Variants in NRL observed in about 807,000 individuals in gnomAD.
NRL encodes the protein neural retina-specific leucine zipper protein.
In NRL, 16 loss-of-function variants were observed where a neutral mutation model predicts 12.5. The observed-to-expected ratio is 1.28, with a 90% CI of 0.87 to 1.95. The LOEUF (loss-of-function observed/expected upper bound fraction) is 1.95. Ranked by LOEUF, NRL falls within the 30% of genes most tolerant of loss-of-function variation. NRL has a pLI of 0.00. For synonymous variants in NRL, 142 were observed against 150.9 expected, an observed-to-expected ratio of 0.94 and a Z score of 0.43; for missense variants, 314 against 325.8, an observed-to-expected ratio of 0.96 and a Z score of 0.28.
intron 1 of NRL, among the ~76,000 whole-genome samples, chr14:24,090,262 A>C (rs560683791): frequency 0.22 from 1,951 of 8,976 alleles, 22 homozygotes; most frequent in Non-Finnish European, 0.27. Context: ...CAGGTGGTTT[A>C]CTCGGGGGGG....
intron 2 of NRL, 110 bp downstream of exon 2, chr14:24,082,358 C>T (rs2281703): frequency 0.024 from 33,073 of 1,390,146 alleles, 542 homozygotes; most frequent in East Asian, 0.076. Context: ...TTCTCCTGCC[C>T]TCTGTCCCCT....
chr14:24,102,977 GC>G, intron 1 of NRL: 1 of 1,396,192 alleles, frequency 7.2e-7, no homozygotes, highest in Non-Finnish European at 1.0e-6. Flanking sequence ...CAGAGCCTCA[GC>G]CTGGATCTCA....
intron 1 of NRL, among the ~76,000 whole-genome samples, chr14:24,096,176 C>T (rs2036869287): frequency 6.6e-6 from 1 of 151,676 alleles, no homozygotes; most frequent in Non-Finnish European, 1.5e-5. Flanking sequence ...GAAATTGTCA[C>T]CTGGGCCCAA....
intron 2 of NRL, chr14:24,082,189 C>T: frequency 3.6e-6 from 2 of 548,872 alleles, no homozygotes; most frequent in Non-Finnish European, 4.6e-6. Flanking sequence ...CCGGAGTCGC[C>T]CACTCCCCAG....
rs1485883437 is a variant in NRL at position 24,079,819 on chromosome 14, A to G, written c.*1417T>C. Among the ~76,000 whole-genome samples the G allele has an allele frequency of 6.6e-6, 1 of 152,138 alleles. No individual in the cohort carries two copies. The highest frequency in any genetic ancestry group is 1.5e-5 in the Non-Finnish European group (1 of 68,010). On this transcript the variant is annotated 3_prime_UTR_variant, in exon 3 of 3. Coordinates refer to ENST00000561028, the MANE Select transcript of NRL (RefSeq NM_001354768.3). ...CAGAGGCCCCATCTGCCCTCCCCTT[A>G]GCCTGCTGAACTGGAGGACTGGGTT...
chr14:24,110,982 ATTTGTT>A (rs957998307), intron 1 of NRL, among the ~76,000 whole-genome samples: 2 of 152,192 alleles, frequency 1.3e-5, no homozygotes, highest in Non-Finnish European at 2.9e-5. Flanking sequence ...ATAGTGAGCC[ATTTGTT>A]GATTTTCTTT....
At chr14:24,098,755 A>G (rs1566576594) in intron 1 of NRL, 3 of 1,256,142 alleles carry the variant, frequency 2.4e-6, no homozygotes, top group Non-Finnish European at 2.3e-6. Context: ...CTACCTCTCC[A>G]CAGACCCTAA....
At chr14:24,102,873 G>A in intron 1 of NRL, 1 of 1,613,910 alleles carries the variant, frequency 6.2e-7, no homozygotes, top group Non-Finnish European at 8.5e-7. Context: ...ATCATCTTTG[G>A]TGGCCGCAGA....
chr14:24,101,381 C>T (rs2037155770), intron 1 of NRL, among the ~76,000 whole-genome samples: 1 of 152,178 alleles, frequency 6.6e-6, no homozygotes, highest in Non-Finnish European at 1.5e-5. Context: ...TCCCCACTCC[C>T]CAGGTCTGAC....
intron 1 of NRL, among the ~76,000 whole-genome samples, chr14:24,106,505 G>A (rs930863419): frequency 2.0e-5 from 3 of 152,190 alleles, no homozygotes; most frequent in Non-Finnish European, 4.4e-5. Flanking sequence ...CAGATCACCT[G>A]AGGTCAGCAG....
chr14:24,107,468 CCCCGA>C (rs2037356234), intron 1 of NRL, among the ~76,000 whole-genome samples: 1 of 151,808 alleles, frequency 6.6e-6, no homozygotes, highest in South Asian at 2.1e-4. Flanking sequence ...CCCCGCCCCG[CCCCGA>C]CCCTGTTGCC....
rs2036194417 is a variant in NRL, at chr14:24,078,775, AT to A, written c.*2460del. Among the ~76,000 whole-genome samples, 3 of 152,222 alleles carry A rather than the reference AT, an allele frequency of 2.0e-5. No homozygotes were observed. The South Asian group carries it at 6.2e-4, about 32-fold the overall frequency. ...TTTTCTGACAATCAAGTGAGGCTTGATTTTAACCCACCCATGGTCAAAAAAC... is the reference window on the plus strand; with the variant it reads ...TTTTCTGACAATCAAGTGAGGCTTGATTTAACCCACCCATGGTCAAAAAAC... On this transcript the variant is annotated 3_prime_UTR_variant, in exon 3 of 3. Transcript: ENST00000561028.
chr14:24,104,896 C>T (rs1351416239), intron 1 of NRL, among the ~76,000 whole-genome samples: 1 of 152,186 alleles, frequency 6.6e-6, no homozygotes, highest in African/African-American at 2.4e-5. Context: ...ACTTCTGTGG[C>T]ACCTTCTTTA....
intron 1 of NRL, chr14:24,095,254 G>A: frequency 2.2e-6 from 1 of 455,436 alleles, no homozygotes; most frequent in South Asian, 1.5e-5. Flanking sequence ...GCTGCAAGAG[G>A]GTGTGGGGGC....
intron 1 of NRL, chr14:24,096,850 T>C: frequency 6.3e-7 from 1 of 1,584,530 alleles, no homozygotes; most frequent in African/African-American, 1.3e-5. Flanking sequence ...TTGTCCACTC[T>C]CGATGACAGC....
intron 1 of NRL, chr14:24,095,292 C>A (rs1185465562): frequency 4.4e-6 from 2 of 451,746 alleles, no homozygotes; most frequent in Admixed American, 4.7e-5. Context: ...GAGCCAGGCT[C>A]CAGGGAGAGA....
At chr14:24,097,855 A>G (rs1458505619) in intron 1 of NRL, among the ~76,000 whole-genome samples, 1 of 152,138 alleles carries the variant, frequency 6.6e-6, no homozygotes, top group Non-Finnish European at 1.5e-5. Flanking sequence ...CAGCCTCCCA[A>G]AGTGCTGGGA....
In NRL at chr14:24,081,666, GC is replaced by G; in HGVS notation, c.382-99del. The stretch of plus-strand genomic sequence containing the variant: ...CCTGGCTCCGCCCCGGGACAGCCCC[GC>G]CCCGGCTCCCACCTTCACCGGAAGG... On this transcript the variant is annotated intron_variant, in intron 2 of 2. Transcript: ENST00000561028. The surrounding 1 kb of genome is among the most constrained non-coding windows in gnomAD (Gnocchi z 4.4). 2.6e-6 allele frequency: 4 copies of G among 1,530,178 alleles called. 1 individual carries two copies. The highest frequency in any genetic ancestry group is 3.5e-6 in the Non-Finnish European group (4 of 1,138,162). The allele number at this position is 1,530,178 out of a possible 1,614,324, so 94.8% of individuals were successfully genotyped here.
chr14:24,112,630 G>T (rs2037438013), intron 1 of NRL, among the ~76,000 whole-genome samples: 1 of 83,250 alleles, frequency 1.2e-5, no homozygotes, highest in Middle Eastern at 4.0e-3. Flanking sequence ...ATGAAGAAAT[G>T]CTCATCATCA....
Sources: allele counts gnomAD v4.1 joint callset (sites outside exome capture counted in the v4.1 genomes callset), GRCh38; gene constraint gnomAD v4.1.1; non-coding constraint Gnocchi (gnomAD v3.1); transcripts MANE v1.5; gene names NCBI Gene and HGNC (gene_info 2026-07-23, HGNC 2026-07-21).